Variants in MED6 observed in about 807,000 individuals in gnomAD.
MED6 encodes mediator of RNA polymerase II transcription subunit 6.
In MED6, 33 loss-of-function variants were observed where a neutral mutation model predicts 37.5. That is an observed-to-expected ratio of 0.88 (90% CI 0.67 to 1.18). The LOEUF (loss-of-function observed/expected upper bound fraction) is 1.18. Among genes scored for constraint, MED6 ranks in the 50% most tolerant of loss-of-function variants. The pLI, the probability that MED6 is intolerant of heterozygous loss-of-function variation, is 0.00. For synonymous variants in MED6, 94 were observed against 93.6 expected, an observed-to-expected ratio of 1.00 and a Z score of -0.02; for missense variants, 235 against 290.6, an observed-to-expected ratio of 0.81 and a Z score of 1.39.
At chr14:70,588,173 G>A (rs1280125766) in intron 6 of MED6, among the ~76,000 whole-genome samples, 2 of 152,128 alleles carry the variant, frequency 1.3e-5, no homozygotes, top group African/African-American at 2.4e-5. Context: ...GTTAGGAAAA[G>A]CAAAAAGATT....
intron 7 of MED6, 104 bp downstream of exon 7, chr14:70,585,649 TAGA>T (rs1884684996): frequency 2.1e-6 from 2 of 964,588 alleles, no homozygotes; most frequent in Non-Finnish European, 2.9e-6. Flanking sequence ...GCCCCAGCTC[TAGA>T]AGGACAAAAT....
Position 70,596,612 on chromosome 14 carries a change from T to G in MED6, c.273A>C (p.Gln91His). Reference protein sequence around the residue: ...IRKQQRQSPAQVIPLADYYII... With the variant: ...IRKQQRQSPAHVIPLADYYII... The stretch of plus-strand genomic sequence containing the variant: ...ATGCCTAAAGTTTACACATTTTACC[T>G]TGGGCAGGGGACTGCCGCTGTTGCT... The change falls in exon 3 of 8, where the codon CAA becomes CAC. Residue 91 changes from glutamine (Q) to histidine (H), a missense_variant and splice_region_variant. By Grantham distance (24) the Gln-to-His change is conservative. Transcript: ENST00000256379. 1.2e-6 allele frequency: 2 copies of G among 1,609,144 alleles called. No homozygotes were observed. The highest frequency in any genetic ancestry group is 1.7e-6 in the Non-Finnish European group (2 of 1,175,962).
intron 3 of MED6, chr14:70,595,783 C>T: frequency 1.4e-6 from 1 of 707,326 alleles, no homozygotes; most frequent in Non-Finnish European, 2.6e-6. Context: ...TAGTGGATGG[C>T]AGAGTGGTGT....
intron 3 of MED6, chr14:70,595,653 C>A: frequency 2.1e-6 from 2 of 955,894 alleles, no homozygotes; most frequent in Non-Finnish European, 3.3e-6. Flanking sequence ...CAAGGTCAAG[C>A]TGTAGGCTGA....
intron 4 of MED6, 21 bp from the exon 5 acceptor site, chr14:70,593,009 T>A: frequency 6.2e-7 from 1 of 1,611,964 alleles, no homozygotes; most frequent in Non-Finnish European, 8.5e-7. Flanking sequence ...GAAAATAAAC[T>A]CTAAATTTAT....
At chr14:70,595,711 T>C in intron 3 of MED6, 4 of 764,270 alleles carry the variant, frequency 5.2e-6, no homozygotes, top group South Asian at 2.8e-5. Flanking sequence ...GACTTCAATC[T>C]TGGTGACGCC....
At chr14:70,588,468 G>A (rs998932920) in intron 6 of MED6, among the ~76,000 whole-genome samples, 14 of 152,090 alleles carry the variant, frequency 9.2e-5, no homozygotes, top group African/African-American at 3.4e-4. Flanking sequence ...GGCAGATCAC[G>A]AGGTCAGGAG....
At chr14:70,598,561 G>A (rs1885114076) in intron 1 of MED6, among the ~76,000 whole-genome samples, 1 of 152,142 alleles carries the variant, frequency 6.6e-6, no homozygotes, top group Non-Finnish European at 1.5e-5. Flanking sequence ...GAGAAGGTGG[G>A]TTTTAGCACG....
chr14:70,592,858 A>C, intron 5 of MED6, 22 bp downstream of exon 5: 1 of 1,611,178 alleles, frequency 6.2e-7, no homozygotes, highest in East Asian at 2.2e-5. Flanking sequence ...GTGTTTTAGG[A>C]GGGTATGGAT....
At chr14:70,596,568 G>C (rs377415709) in intron 3 of MED6, 43 bp downstream of exon 3, 5 of 1,446,938 alleles carry the variant, frequency 3.5e-6, no homozygotes, top group African/African-American at 1.4e-5. Flanking sequence ...ATAAATTATG[G>C]TATTTTAAAA....
intron 6 of MED6, among the ~76,000 whole-genome samples, chr14:70,589,548 T>C (rs1465301112): frequency 1.3e-5 from 2 of 152,216 alleles, no homozygotes; most frequent in African/African-American, 4.8e-5. Context: ...AAAAACATTA[T>C]ACAAAATTTC....
In MED6 at chr14:70,592,991, T is replaced by C. The variant is rs767588158; in HGVS notation, c.358-3A>G. 15 of 1,613,298 alleles carry C rather than the reference T, an allele frequency of 9.3e-6. No homozygotes were observed. The highest frequency in any genetic ancestry group is 1.3e-5 in the African/African-American group (1 of 75,012). On this transcript the variant is annotated splice_polypyrimidine_tract_variant and splice_region_variant and intron_variant, in intron 4 of 7. Coordinates refer to ENST00000256379, the MANE Select transcript of MED6 (RefSeq NM_005466.4). ...TGAATACCATGCACTGCAGTAAGCT[T>C]GTAAAAGGAAAATAAACTCTAAATT...
Position 70,592,916 on chromosome 14 carries a change from C to CT in MED6, c.429dup (p.Gly144ArgfsTer10). On this transcript the variant is annotated frameshift_variant, in exon 5 of 8. Transcript: ENST00000256379. LOFTEE classifies it high-confidence loss of function. Reference sequence around the variant, plus strand: ...TGATCTTTGAAGTGCCACCAATACCCTTTGGAAGGATGATATCGACAGTAT... The same window carrying CT: ...TGATCTTTGAAGTGCCACCAATACCCTTTTGGAAGGATGATATCGACAGTAT... 2 of 1,613,888 alleles carry CT rather than the reference C, an allele frequency of 1.2e-6. No individual in the cohort carries two copies. The highest frequency in any genetic ancestry group is 1.7e-6 in the Non-Finnish European group (2 of 1,179,910).
chr14:70,592,980 T>C lies in MED6; in HGVS notation c.366A>G (p.Ala122=). The part of the protein sequence containing the change: ...GSVINSRVLT[A]VHGIQSAFDE... ...CAAAAGCTGACTGAATACCATGCAC[T>C]GCAGTAAGCTTGTAAAAGGAAAATA... Residue 122 remains alanine (A), a synonymous_variant, in exon 5 of 8, where the codon GCA becomes GCG. Transcript: ENST00000256379. The C allele has an allele frequency of 6.2e-7, 1 of 1,613,692 alleles. No homozygotes were observed. The highest frequency in any genetic ancestry group is 8.5e-7 in the Non-Finnish European group (1 of 1,179,924).
chr14:70,600,521 T>G (rs1885175725), intron 1 of MED6, 95 bp downstream of exon 1: 1 of 1,414,696 alleles, frequency 7.1e-7, no homozygotes. Flanking sequence ...GCTTGAGACT[T>G]CACACAAAGG....
intron 5 of MED6, 119 bp downstream of exon 5, chr14:70,592,761 T>C: frequency 1.8e-6 from 2 of 1,093,690 alleles, no homozygotes; most frequent in South Asian, 1.5e-5. Flanking sequence ...AACAAAGCCA[T>C]CATCCCATGA....
chr14:70,599,701 A>G (rs1885147742), intron 1 of MED6, among the ~76,000 whole-genome samples: 2 of 151,672 alleles, frequency 1.3e-5, no homozygotes, highest in Non-Finnish European at 2.9e-5. Context: ...AATCTGAATT[A>G]TAAGTAAAAC....
In MED6 at chr14:70,593,338, G is replaced by T; in HGVS notation, c.315C>A (p.Ile105=). Residue 105 remains isoleucine, a synonymous_variant, in exon 4 of 8, where the codon ATC becomes ATA. Transcript: ENST00000256379. ...LADYYIIAGV[I]YQAPDLGSVI... is the part of the protein sequence containing the mutation. ...CTGATCCCAAGTCTGGTGCCTGATA[G>T]ATCACTCCAGCAATGATATAGTAAT... 1 of 1,613,928 alleles carries T rather than the reference G, an allele frequency of 6.2e-7. No individual in the cohort carries two copies. Among genetic ancestry groups the T allele is most frequent in the Non-Finnish European group, 8.5e-7 (1 of 1,179,890 alleles).
chr14:70,585,051 C>T, intron 7 of MED6, 108 bp from the exon 8 acceptor site: 1 of 1,280,858 alleles, frequency 7.8e-7, no homozygotes, highest in Non-Finnish European at 1.1e-6. Flanking sequence ...AACTGCTTAT[C>T]TCAAGTTCTA....
Sources: allele counts gnomAD v4.1 joint callset (sites outside exome capture counted in the v4.1 genomes callset), GRCh38; gene constraint gnomAD v4.1.1; transcripts MANE v1.5; gene names NCBI Gene and HGNC (gene_info 2026-07-23, HGNC 2026-07-21).